ATP9B: variants seen among roughly 807,000 people sequenced by gnomAD.
The protein encoded by ATP9B is probable phospholipid-transporting ATPase IIB.
ATP9B carries 110 observed loss-of-function variants against 146.1 expected under a neutral mutation model. That is an observed-to-expected ratio of 0.75 (90% confidence interval 0.65 to 0.88). ATP9B has a LOEUF of 0.88. ATP9B is among the 40% of genes least tolerant of loss of function. ATP9B has a pLI of 0.00. For synonymous variants in ATP9B, 604 were observed against 569.7 expected (o/e 1.06, Z -0.86); for missense variants, 1,499 against 1,496.4 (o/e 1.00, Z -0.03).
At chr18:79,375,322 G>T in intron 28 of ATP9B, 72 bp from the exon 29 acceptor site, 1 of 1,347,582 alleles carries the variant, frequency 7.4e-7, no homozygotes. Flanking sequence ...TTATTCTTTT[G>T]CTAACCCCTT....
chr18:79,204,498 C>G (rs1217475541), intron 9 of ATP9B, among the ~76,000 whole-genome samples: 1 of 152,126 alleles, frequency 6.6e-6, no homozygotes, highest in Non-Finnish European at 1.5e-5. Context: ...ATATAATTCT[C>G]AGGTTTTCCA....
At chr18:79,257,874 C>T (rs1008896928) in intron 12 of ATP9B, among the ~76,000 whole-genome samples, 1 of 152,166 alleles carries the variant, frequency 6.6e-6, no homozygotes, top group African/African-American at 2.4e-5. Flanking sequence ...TCTCTTTCAC[C>T]ACGTAAAAGG....
rs11285884 is a variant in ATP9B at position 79,153,957 on chromosome 18, C to CT, written c.727-528dup. ...GCCACCATGGCTGGCTGACATGCAGCTTTTTTTTTTTTTTTTTTTGAGATG... is the reference window on the plus strand; with the variant it reads ...GCCACCATGGCTGGCTGACATGCAGCTTTTTTTTTTTTTTTTTTTTGAGATG... On this transcript the variant is annotated intron_variant, in intron 6 of 29. Transcript: ENST00000426216. 1.9e-3 allele frequency among the ~76,000 whole-genome samples: 197 copies of CT among 103,186 alleles called. 2 individuals carry two copies. Among genetic ancestry groups the CT allele is most frequent in the East Asian group, 5.6e-3 (18 of 3,228 alleles). 67.7% of individuals were successfully genotyped at this position (103,186 alleles called of 152,430 possible).
intron 15 of ATP9B, among the ~76,000 whole-genome samples, chr18:79,325,041 G>A (rs924446225): frequency 3.3e-5 from 5 of 152,176 alleles, no homozygotes; most frequent in African/African-American, 7.2e-5. Flanking sequence ...AGACAGACCC[G>A]GTCCCTGCTG....
chr18:79,329,837 C>T (rs905900125), intron 16 of ATP9B, among the ~76,000 whole-genome samples, 175 bp from the exon 17 acceptor site: 1 of 152,208 alleles, frequency 6.6e-6, no homozygotes, highest in Non-Finnish European at 1.5e-5. Flanking sequence ...CCTGATTGCA[C>T]TATTGCTGAA....
intron 8 of ATP9B, among the ~76,000 whole-genome samples, chr18:79,192,980 A>G (rs1406865428): frequency 1.3e-5 from 2 of 152,162 alleles, no homozygotes; most frequent in Admixed American, 6.5e-5. Context: ...CTGCTGTTCA[A>G]AAGCACACCC....
intron 29 of ATP9B, chr18:79,376,426 G>A (rs2097103875): frequency 1.0e-6 from 1 of 966,370 alleles, no homozygotes. Context: ...TCTCACTCTT[G>A]TTACCCAGGC....
intron 12 of ATP9B, among the ~76,000 whole-genome samples, chr18:79,272,877 G>A (rs998200210): frequency 6.6e-6 from 1 of 152,178 alleles, no homozygotes; most frequent in Admixed American, 6.5e-5. Flanking sequence ...GTCTAAGAAG[G>A]TTTGAAAATT....
chr18:79,315,777 A>G (rs2096676168), intron 15 of ATP9B, among the ~76,000 whole-genome samples: 1 of 152,232 alleles, frequency 6.6e-6, no homozygotes, highest in Admixed American at 6.5e-5. Flanking sequence ...AGCATGGAGA[A>G]GTGCAAGTGT....
At chr18:79,336,042 CAT>C (rs1568732473) in intron 17 of ATP9B, among the ~76,000 whole-genome samples, 411 of 130,510 alleles carry the variant, frequency 3.1e-3, no homozygotes, top group African/African-American at 8.9e-3. Flanking sequence ...GTGCACCCTC[CAT>C]GCCCTCCCTG....
chr18:79,122,935 T>C (rs1368609559), intron 4 of ATP9B, among the ~76,000 whole-genome samples: 1 of 152,178 alleles, frequency 6.6e-6, no homozygotes, highest in East Asian at 1.9e-4. Flanking sequence ...TATCATAATA[T>C]AAAAATTTCT....
chr18:79,198,951 A>G (rs987862032), intron 9 of ATP9B, among the ~76,000 whole-genome samples: 2 of 151,920 alleles, frequency 1.3e-5, no homozygotes, highest in Non-Finnish European at 1.5e-5. Flanking sequence ...TCAGCTTCCT[A>G]TAACTTTAAT....
In ATP9B at chr18:79,069,440, G is replaced by T. The variant is rs774093491; in HGVS notation, c.30G>T (p.Val10=). 1.1e-5 allele frequency: 16 copies of T among 1,519,012 alleles called. No individual in the cohort carries two copies. In the Admixed American group the frequency reaches 2.2e-4, roughly 21 times the overall value. 94.1% of individuals were successfully genotyped at this position (1,519,012 alleles called of 1,614,324 possible). ...CGGACCAGATCCCGCTTTACCCGGTGCGTAGCGCAGCGGCGGCCGCAGCCA... is the reference window on the plus strand; with the variant it reads ...CGGACCAGATCCCGCTTTACCCGGTTCGTAGCGCAGCGGCGGCCGCAGCCA... MADQIPLYP[V]RSAAAAAANR... is the part of the protein sequence containing the mutation. Residue 10 remains valine, a synonymous_variant, in exon 1 of 30, where the codon GTG becomes GTT. Coordinates refer to ENST00000426216, the MANE Select transcript of ATP9B (RefSeq NM_198531.5).
intron 5 of ATP9B, among the ~76,000 whole-genome samples, chr18:79,133,851 C>T (rs2094414221): frequency 6.6e-6 from 1 of 152,180 alleles, no homozygotes. Context: ...CTTAGCTGGG[C>T]CTGGCTGATG....
chr18:79,335,666 G>A (rs181383941), intron 17 of ATP9B, among the ~76,000 whole-genome samples: 5 of 152,202 alleles, frequency 3.3e-5, no homozygotes, highest in East Asian at 3.9e-4. Context: ...AGCTCTCACC[G>A]CGGCCCTGCA....
intron 13 of ATP9B, among the ~76,000 whole-genome samples, chr18:79,281,297 G>A: frequency 6.6e-6 from 1 of 152,064 alleles, no homozygotes; most frequent in East Asian, 1.9e-4. Flanking sequence ...AGGAGTTCGA[G>A]ACCAGCCTGA....
intron 15 of ATP9B, among the ~76,000 whole-genome samples, chr18:79,318,556 C>T (rs1168638380): frequency 1.3e-5 from 2 of 152,176 alleles, no homozygotes; most frequent in Non-Finnish European, 2.9e-5. Flanking sequence ...TGTGACATCC[C>T]GGATGGGACC....
intron 12 of ATP9B, chr18:79,255,100 A>G (rs139555685): frequency 6.6e-6 from 1 of 152,130 alleles, no homozygotes; most frequent in Non-Finnish European, 1.5e-5. Context: ...TATTTGTTGA[A>G]TGGACCCATT....
At chr18:79,226,158 A>T (rs2095732258) in intron 11 of ATP9B, among the ~76,000 whole-genome samples, 1 of 152,066 alleles carries the variant, frequency 6.6e-6, no homozygotes. Flanking sequence ...TGCTCCCTCC[A>T]TCATGTTTTG....
Sources: allele counts gnomAD v4.1 joint callset (sites outside exome capture counted in the v4.1 genomes callset), GRCh38; gene constraint gnomAD v4.1.1; transcripts MANE v1.5; gene names NCBI Gene and HGNC (gene_info 2026-07-23, HGNC 2026-07-21).